The following GPHN variants were observed in gnomAD, a reference collection of about 807,000 sequenced individuals.
GPHN encodes gephyrin.
Under a neutral mutation model 95.5 loss-of-function variants are expected in GPHN, and 17 were observed. The observed-to-expected ratio is 0.18, with a 90% confidence interval of 0.12 to 0.27. The LOEUF (loss-of-function observed/expected upper bound fraction) is 0.27. Ranked by LOEUF, GPHN falls within the 10% of genes least tolerant of loss-of-function variation. GPHN has a pLI of 1.00. For synonymous variants in GPHN, 320 were observed against 322.5 expected, an observed-to-expected ratio of 0.99 and a Z score of 0.08; for missense variants, 660 against 978.1, an observed-to-expected ratio of 0.67 and a Z score of 4.34.
chr14:67,201,208 T>TGCTTAAGCAATCCTGG, the GPHN span, among the ~76,000 whole-genome samples: 3 of 152,148 alleles, frequency 2.0e-5, no homozygotes, highest in Non-Finnish European at 2.9e-5. Context: ...GAGGGAGGAT[T>TGCTTAAGCAATCCTGG]GCTTAAGCCC....
chr14:67,645,854 G>T, the GPHN span: 1 of 1,595,998 alleles, frequency 6.3e-7, no homozygotes, highest in Admixed American at 1.7e-5. Context: ...GGTTTTGCTG[G>T]AGTTGGTCTA....
chr14:67,113,657 A>C (rs184511422), intron 16 of GPHN, among the ~76,000 whole-genome samples: 102 of 151,252 alleles, frequency 6.7e-4, no homozygotes, highest in Admixed American at 6.7e-3. Flanking sequence ...TTTGATAATC[A>C]GGTTTTTTTT....
chr14:67,459,411 T>A, the GPHN span, among the ~76,000 whole-genome samples: 1 of 152,242 alleles, frequency 6.6e-6, no homozygotes, highest in Admixed American at 6.5e-5. Flanking sequence ...GAAGGCTTCA[T>A]GGAACTTCTG....
the GPHN span, among the ~76,000 whole-genome samples, chr14:67,378,937 G>A: frequency 6.6e-6 from 1 of 152,032 alleles, no homozygotes; most frequent in Non-Finnish European, 1.5e-5. Context: ...CTACATATGT[G>A]TCTATTATCA....
chr14:66,946,189 A>T (rs886732353), intron 8 of GPHN, among the ~76,000 whole-genome samples: 1 of 152,190 alleles, frequency 6.6e-6, no homozygotes, highest in African/African-American at 2.4e-5. Flanking sequence ...AAGGTAATAC[A>T]GTTGTTAAGA....
chr14:67,228,930 GA>G, the GPHN span, among the ~76,000 whole-genome samples: 1 of 152,094 alleles, frequency 6.6e-6, no homozygotes. Context: ...AAATAAAAAA[GA>G]AACTACAGAC....
At position 66,896,510 on chromosome 14, in the gene GPHN, A is replaced by G. The variant is rs182013311; in HGVS notation, c.389+16477A>G. ...GCACGTGCCTGTAGCTACTCGGGAA[A>G]CTGAAGTGAAAGAATCACCTGAGCC... On this transcript the variant is annotated intron_variant, in intron 5 of 22. Transcript: ENST00000478722. Among the ~76,000 whole-genome samples the G allele has an allele frequency of 2.2e-3, 331 of 152,072 alleles. 1 individual carries two copies. Among genetic ancestry groups the G allele is most frequent in the South Asian group, 0.018 (88 of 4,810 alleles).
intron 5 of GPHN, among the ~76,000 whole-genome samples, chr14:66,884,513 T>C (rs1406635643): frequency 6.6e-6 from 1 of 152,072 alleles, no homozygotes; most frequent in Non-Finnish European, 1.5e-5. Flanking sequence ...GTTCCAGTGG[T>C]TAACTAAACT....
the GPHN span, among the ~76,000 whole-genome samples, chr14:67,576,817 T>C: frequency 6.6e-6 from 1 of 152,174 alleles, no homozygotes; most frequent in African/African-American, 2.4e-5. The surrounding 1 kb of genome is among the most constrained non-coding windows in gnomAD (Gnocchi z 4.0). Flanking sequence ...GGTTAATCTA[T>C]AGTTAGAGTT....
At chr14:67,253,944 T>G in the GPHN span, among the ~76,000 whole-genome samples, 2 of 151,778 alleles carry the variant, frequency 1.3e-5, no homozygotes, top group Non-Finnish European at 2.9e-5. Context: ...TCAGTGTGTT[T>G]GTGTTAATAT....
At chr14:66,836,837 G>T (rs950236006) in intron 4 of GPHN, among the ~76,000 whole-genome samples, 1 of 151,996 alleles carries the variant, frequency 6.6e-6, no homozygotes, top group African/African-American at 2.4e-5. Flanking sequence ...GAAAACACAT[G>T]AAAAAATGCT....
chr14:67,540,355 G>A, the GPHN span, among the ~76,000 whole-genome samples: 1 of 152,106 alleles, frequency 6.6e-6, no homozygotes, highest in South Asian at 2.1e-4. Context: ...GCCGGGTACA[G>A]TGGCTCACAC....
intron 1 of GPHN, among the ~76,000 whole-genome samples, chr14:66,634,631 G>A (rs1471032119): frequency 2.6e-5 from 4 of 152,156 alleles, no homozygotes; most frequent in African/African-American, 4.8e-5. Flanking sequence ...ACAGATTCTG[G>A]TAGTGGCACT....
Position 67,179,560 on chromosome 14 carries a change from T to C in GPHN, c.2080-18T>C. 1 of 1,457,776 alleles carries C rather than the reference T, an allele frequency of 6.9e-7. No homozygotes were observed. The highest frequency in any genetic ancestry group is 9.6e-7 in the Non-Finnish European group (1 of 1,037,384). 90.3% of individuals were successfully genotyped at this position (1,457,776 alleles called of 1,614,324 possible). On this transcript the variant is annotated intron_variant, in intron 21 of 22. Coordinates refer to ENST00000478722, the MANE Select transcript of GPHN (RefSeq NM_020806.5). Reference sequence around the variant, plus strand: ...ATCAGGTGACCAAGTTTGTTTTCTTTTCTACTTTATTCTGTAGTTATCATG... The same window carrying C: ...ATCAGGTGACCAAGTTTGTTTTCTTCTCTACTTTATTCTGTAGTTATCATG...
At chr14:66,658,345 AG>A (rs1214205314) in intron 1 of GPHN, among the ~76,000 whole-genome samples, 1 of 152,194 alleles carries the variant, frequency 6.6e-6, no homozygotes, top group Non-Finnish European at 1.5e-5. Flanking sequence ...ATGACAAAAA[AG>A]GATTTAGAAT....
chr14:66,937,279 C>T (rs996486140), intron 8 of GPHN, among the ~76,000 whole-genome samples: 1 of 152,126 alleles, frequency 6.6e-6, no homozygotes, highest in Non-Finnish European at 1.5e-5. Flanking sequence ...GTTAGCATTA[C>T]AGGCATGAGC....
At chr14:67,355,829 CA>C in the GPHN span, among the ~76,000 whole-genome samples, 1,307 of 130,216 alleles carry the variant, frequency 0.01, 27 homozygotes, top group East Asian at 0.077. Context: ...CCTGTCTCTA[CA>C]AAAAAAAAAA....
the GPHN span, among the ~76,000 whole-genome samples, chr14:67,417,491 G>C: frequency 6.7e-6 from 1 of 149,726 alleles, no homozygotes. Flanking sequence ...GAGTGCAATG[G>C]TGCCATCATA....
intron 4 of GPHN, among the ~76,000 whole-genome samples, chr14:66,867,083 ATCT>A (rs1475831533): frequency 6.6e-6 from 1 of 152,178 alleles, no homozygotes; most frequent in Non-Finnish European, 1.5e-5. Context: ...AAAATGGAGC[ATCT>A]TCTCTTCACA....
Sources: gnomAD v4.1 joint callset for allele counts (sites outside exome capture counted in the v4.1 genomes callset) on GRCh38, gnomAD v4.1.1 for gene constraint, Gnocchi (gnomAD v3.1) non-coding constraint, MANE v1.5 for transcripts, NCBI Gene and HGNC (gene_info 2026-07-23, HGNC 2026-07-21) for gene names.